ANKRD30B: variants seen among roughly 807,000 people sequenced by gnomAD.
The protein encoded by ANKRD30B is ankyrin repeat domain-containing protein 30B.
In ANKRD30B, 144 loss-of-function variants were observed where a neutral mutation model predicts 202.2. The observed-to-expected ratio is 0.71, with a 90% confidence interval of 0.62 to 0.82. The LOEUF is 0.82. Among genes scored for constraint, ANKRD30B ranks in the 40% least tolerant of loss-of-function variants. The pLI, the probability that ANKRD30B is intolerant of heterozygous loss-of-function variation, is 0.00. For missense variants in ANKRD30B, 1,487 were observed against 1,669.1 expected (o/e 0.89, Z 1.90); for synonymous variants, 508 against 561.3 (o/e 0.91, Z 1.34).
chr18:14,774,194 T>C (rs1967205099), intron 9 of ANKRD30B, among the ~76,000 whole-genome samples: 1 of 152,126 alleles, frequency 6.6e-6, no homozygotes, highest in Non-Finnish European at 1.5e-5. Context: ...AAATAACTAA[T>C]TGTAGTGTAA....
chr18:14,886,550 T>A, the ANKRD30B span, among the ~76,000 whole-genome samples: 1 of 152,106 alleles, frequency 6.6e-6, no homozygotes, highest in Non-Finnish European at 1.5e-5. Flanking sequence ...TTGGTATAAC[T>A]CCATAGACAA....
chr18:14,858,657 A>C (rs530413897), downstream of ANKRD30B, among the ~76,000 whole-genome samples: 131 of 131,810 alleles, frequency 9.9e-4, no homozygotes, highest in Non-Finnish European at 1.7e-3. Flanking sequence ...AAGGGCAGCC[A>C]GGCAGAGGCA....
the ANKRD30B span, among the ~76,000 whole-genome samples, chr18:14,931,845 A>AT: frequency 7.5e-6 from 1 of 133,288 alleles, no homozygotes; most frequent in South Asian, 2.6e-4. Context: ...GCCTGAAACC[A>AT]TTTGAGGGCA....
chr18:14,822,092 A>T (rs1195557055), intron 30 of ANKRD30B, among the ~76,000 whole-genome samples: 1 of 152,064 alleles, frequency 6.6e-6, no homozygotes, highest in Non-Finnish European at 1.5e-5. Flanking sequence ...ATGTCATAGC[A>T]TTCTACCATT....
intron 40 of ANKRD30B, among the ~76,000 whole-genome samples, chr18:14,849,378 C>G (rs1971791543): frequency 6.6e-6 from 1 of 151,600 alleles, no homozygotes; most frequent in African/African-American, 2.4e-5. Context: ...AATTTATATT[C>G]ATTTACAGTT....
intron 11 of ANKRD30B, among the ~76,000 whole-genome samples, 186 bp from the exon 12 acceptor site, chr18:14,782,340 TA>T (rs1967800971): frequency 1.3e-5 from 2 of 151,918 alleles, no homozygotes; most frequent in Admixed American, 6.6e-5. Flanking sequence ...AGACAACAGA[TA>T]AGTTTTGACC....
At chr18:14,837,776 G>T in intron 36 of ANKRD30B, 100 bp downstream of exon 36, 6 of 1,257,536 alleles carry the variant, frequency 4.8e-6, no homozygotes, top group Non-Finnish European at 6.5e-6. Flanking sequence ...CTCTGATTAT[G>T]TCCATAAGGC....
intron 39 of ANKRD30B, among the ~76,000 whole-genome samples, chr18:14,843,563 G>C (rs1312357878): frequency 1.3e-5 from 1 of 76,272 alleles, no homozygotes; most frequent in East Asian, 2.7e-4. Context: ...CTGTGTGTGT[G>C]TGTGTGTGTG....
intron 10 of ANKRD30B, 80 bp downstream of exon 10, chr18:14,778,155 CA>C: frequency 3.3e-6 from 3 of 918,410 alleles, no homozygotes; most frequent in Non-Finnish European, 5.0e-6. Flanking sequence ...CTCTGACAGC[CA>C]GAGAAAATTA....
rs1969810404 is a variant in ANKRD30B, at chr18:14,809,920, T to A, written c.2387-66T>A. 5.3e-6 allele frequency: 7 copies of A among 1,310,674 alleles called. No individual in the cohort carries two copies. In the Admixed American group the frequency reaches 8.7e-5, roughly 16 times the overall value. The allele number at this position is 1,310,674 out of a possible 1,614,324, so 81.2% of individuals were successfully genotyped here. A position where few individuals can be genotyped will look rare whatever the true frequency, so the allele number is the denominator to read the frequency against. Reference sequence around the variant, plus strand: ...AGGATTCATCTTCATATTCACACTCTATGAACATTTGGTAGGCTTTGTCAG... The same window carrying A: ...AGGATTCATCTTCATATTCACACTCAATGAACATTTGGTAGGCTTTGTCAG... On this transcript the variant is annotated intron_variant, in intron 26 of 43. Transcript: ENST00000690538.
chr18:14,755,511 T>C (rs1356402221), intron 4 of ANKRD30B, among the ~76,000 whole-genome samples: 2 of 152,030 alleles, frequency 1.3e-5, no homozygotes, highest in African/African-American at 4.8e-5. Context: ...AACTCGTCAT[T>C]TAGCATTAGG....
chr18:14,910,531 T>G, the ANKRD30B span, among the ~76,000 whole-genome samples: 3 of 151,226 alleles, frequency 2.0e-5, no homozygotes, highest in South Asian at 4.1e-4. Context: ...CCTCCATTGA[T>G]GGACATGTAG....
At chr18:14,749,265 C>T (rs749117497) in intron 1 of ANKRD30B, among the ~76,000 whole-genome samples, 3 of 152,152 alleles carry the variant, frequency 2.0e-5, no homozygotes, top group Non-Finnish European at 4.4e-5. Context: ...AAGCTATTAA[C>T]GTTTTAACAT....
At chr18:14,858,382 G>C (rs1972134929), downstream of ANKRD30B, among the ~76,000 whole-genome samples, 1 of 86,226 alleles carries the variant, frequency 1.2e-5, no homozygotes, top group East Asian at 3.3e-4. Flanking sequence ...TTCCCAGACA[G>C]GGTGGGAGCT....
intron 34 of ANKRD30B, among the ~76,000 whole-genome samples, chr18:14,836,339 C>A (rs1024408887): frequency 2.6e-5 from 4 of 152,110 alleles, no homozygotes; most frequent in African/African-American, 9.7e-5. Flanking sequence ...TAAATAACAA[C>A]TAGGAAGTAG....
At chr18:14,879,361 A>G in the ANKRD30B span, among the ~76,000 whole-genome samples, 5 of 152,158 alleles carry the variant, frequency 3.3e-5, no homozygotes, top group African/African-American at 1.2e-4. Flanking sequence ...CCTAATGCAG[A>G]CATGACACCC....
the ANKRD30B span, among the ~76,000 whole-genome samples, chr18:14,888,169 C>A: frequency 6.6e-6 from 1 of 151,684 alleles, no homozygotes; most frequent in African/African-American, 2.4e-5. Flanking sequence ...TGAGAATATT[C>A]TTTTTTTCTG....
At chr18:14,776,676 C>T (rs1347005315) in intron 9 of ANKRD30B, among the ~76,000 whole-genome samples, 2 of 152,184 alleles carry the variant, frequency 1.3e-5, no homozygotes, top group Non-Finnish European at 1.5e-5. Flanking sequence ...AGATGTTTCA[C>T]GAACACGTTT....
the ANKRD30B span, among the ~76,000 whole-genome samples, chr18:14,886,118 C>T: frequency 6.6e-6 from 1 of 151,694 alleles, no homozygotes; most frequent in Non-Finnish European, 1.5e-5. Context: ...GACATAGTCA[C>T]ATTTGTGTAC....
Sources: allele counts gnomAD v4.1 joint callset (sites outside exome capture counted in the v4.1 genomes callset), GRCh38; gene constraint gnomAD v4.1.1; transcripts MANE v1.5; gene names NCBI Gene and HGNC (gene_info 2026-07-23, HGNC 2026-07-21).